Variants in TRMT11 observed in about 807,000 individuals in gnomAD.
The protein encoded by TRMT11 is tRNA methyltransferase 11, also known as tRNA (guanine(10)-N(2))-methyltransferase TRMT11.
A neutral mutation model predicts 62.8 loss-of-function variants in TRMT11; 53 were observed. That is an observed-to-expected ratio of 0.84 (90% CI 0.68 to 1.06). TRMT11 has a LOEUF of 1.06. Ranked by LOEUF, TRMT11 falls within the 50% of genes least tolerant of loss-of-function variation. TRMT11 has a pLI of 0.00. For missense variants in TRMT11, 556 were observed against 553.4 expected (o/e 1.00, Z -0.05); for synonymous variants, 188 against 190.3 (o/e 0.99, Z 0.10).
intron 7 of TRMT11, 22 bp downstream of exon 7, chr6:125,999,635 G>C: frequency 6.3e-7 from 1 of 1,594,470 alleles, no homozygotes; most frequent in Non-Finnish European, 8.6e-7. Flanking sequence ...TAACTTTTAA[G>C]CTAGTGTAGA....
In TRMT11 at chr6:126,044,956, C is replaced by T. The variant is rs547121552; in HGVS notation, c.*1369+4111C>T. On this transcript the variant is annotated intron_variant and NMD_transcript_variant, in intron 16 of 22. Transcript: ENST00000648977. Reference sequence around the variant, plus strand: ...ATCCCAGCATTTTGGGAGGCTGAGGCAGGTGGATCACCTGAGGTCAGGAGT... The same window carrying T: ...ATCCCAGCATTTTGGGAGGCTGAGGTAGGTGGATCACCTGAGGTCAGGAGT... Among the ~76,000 whole-genome samples the T allele has an allele frequency of 1.5e-3, 227 of 152,166 alleles. 1 individual carries two copies. Among genetic ancestry groups the T allele is most frequent in the African/African-American group, 5.4e-3 (223 of 41,520 alleles).
chr6:126,261,242 AT>A, the TRMT11 span, among the ~76,000 whole-genome samples: 1 of 151,884 alleles, frequency 6.6e-6, no homozygotes, highest in South Asian at 2.1e-4. Flanking sequence ...TCATTAACTG[AT>A]TTTTTTCAGC....
intron 17 of TRMT11, among the ~76,000 whole-genome samples, chr6:126,108,858 A>G (rs1583877320): frequency 6.6e-6 from 1 of 152,300 alleles, no homozygotes; most frequent in Admixed American, 6.5e-5. Flanking sequence ...AGTGATGTGG[A>G]TGGGTCATTT....
At chr6:126,101,623 T>G (rs572413841) in intron 17 of TRMT11, among the ~76,000 whole-genome samples, 2 of 152,342 alleles carry the variant, frequency 1.3e-5, no homozygotes, top group East Asian at 1.9e-4. Context: ...TCTTTTTCAC[T>G]TATTTGAAGG....
intron 21 of TRMT11, among the ~76,000 whole-genome samples, chr6:126,144,672 GCTTCCCTGTTGCC>G (rs1777955140): frequency 6.6e-6 from 1 of 151,998 alleles, no homozygotes; most frequent in African/African-American, 2.4e-5. Flanking sequence ...CCTTCACTCT[GCTTCCCTGTTGCC>G]CATTTGATTC....
chr6:126,183,344 A>C (rs895343185), intron 1 of TRMT11, among the ~76,000 whole-genome samples: 8 of 152,062 alleles, frequency 5.3e-5, no homozygotes, highest in Admixed American at 4.6e-4. Flanking sequence ...CTGAGAGCAA[A>C]AGTTTCTTCT....
rs1000212759 is a variant in TRMT11 at position 126,172,125 on chromosome 6, TA to T, written c.*1824-2691del. Reference sequence around the variant, plus strand: ...GTGGCTGAATTACTTGATCAAAATTTAAAAAAAAAGGTATTTTCCCTAAGTG... The same window carrying T: ...GTGGCTGAATTACTTGATCAAAATTTAAAAAAAAGGTATTTTCCCTAAGTG... On this transcript the variant is annotated intron_variant and NMD_transcript_variant, in intron 21 of 22. Coordinates refer to the TRMT11 transcript ENST00000648977. 4.0e-5 allele frequency among the ~76,000 whole-genome samples: 6 copies of T among 151,392 alleles called. No homozygotes were observed. In the East Asian group the frequency reaches 5.8e-4, roughly 15 times the overall value.
intron 17 of TRMT11, among the ~76,000 whole-genome samples, chr6:126,071,752 G>A (rs993177551): frequency 6.6e-6 from 1 of 151,618 alleles, no homozygotes; most frequent in African/African-American, 2.4e-5. Flanking sequence ...TTGTCCTTTA[G>A]TGTTGAATTG....
At chr6:126,257,651 T>C in the TRMT11 span, among the ~76,000 whole-genome samples, 32 of 152,178 alleles carry the variant, frequency 2.1e-4, no homozygotes, top group Non-Finnish European at 7.3e-5. Context: ...TTCGAGACTT[T>C]TTATTATTTT....
the TRMT11 span, among the ~76,000 whole-genome samples, chr6:126,251,140 C>T: frequency 1.3e-5 from 2 of 151,788 alleles, no homozygotes; most frequent in East Asian, 1.9e-4. Flanking sequence ...AAGCAATTCT[C>T]CTGCCTCAGC....
At chr6:126,146,391 G>A (rs1404584144) in intron 21 of TRMT11, among the ~76,000 whole-genome samples, 10 of 152,258 alleles carry the variant, frequency 6.6e-5, no homozygotes, top group South Asian at 2.1e-4. Flanking sequence ...AGGATTAGGC[G>A]ATGGATTCAA....
rs1775737929 is a variant in TRMT11, at chr6:126,039,034, A to G, written c.*198A>G. 1 of 434,934 alleles carries G rather than the reference A, an allele frequency of 2.3e-6. No individual in the cohort carries two copies. The highest frequency in any genetic ancestry group is 4.0e-6 in the Non-Finnish European group (1 of 250,348). 26.9% of individuals were successfully genotyped at this position (434,934 alleles called of 1,614,324 possible). A position where few individuals can be genotyped will look rare whatever the true frequency, so the allele number is the denominator to read the frequency against. On this transcript the variant is annotated 3_prime_UTR_variant, in exon 13 of 13. Coordinates refer to ENST00000334379, the MANE Select transcript of TRMT11 (RefSeq NM_001031712.3). Reference sequence around the variant, plus strand: ...TTTTGTTGTATGTATTACAGTCTTTATAATCTTATTTAATGTATATTTGTA... The same window carrying G: ...TTTTGTTGTATGTATTACAGTCTTTGTAATCTTATTTAATGTATATTTGTA...
the TRMT11 span, among the ~76,000 whole-genome samples, chr6:126,219,499 C>G: frequency 6.6e-6 from 1 of 152,186 alleles, no homozygotes; most frequent in African/African-American, 2.4e-5. Flanking sequence ...TACATACCAG[C>G]TCTCTTCTTC....
At chr6:126,139,502 G>T (rs1777889931) in intron 21 of TRMT11, among the ~76,000 whole-genome samples, 2 of 151,988 alleles carry the variant, frequency 1.3e-5, no homozygotes. Context: ...CCAAGTAGCT[G>T]GGATTACAGG....
intron 7 of TRMT11, among the ~76,000 whole-genome samples, chr6:126,000,043 G>T (rs1025482455): frequency 6.6e-6 from 1 of 152,174 alleles, no homozygotes; most frequent in African/African-American, 2.4e-5. Context: ...TGTGGATGGA[G>T]AAAATAGTTA....
At chr6:126,165,883 A>G (rs896864324) in intron 21 of TRMT11, among the ~76,000 whole-genome samples, 3 of 152,152 alleles carry the variant, frequency 2.0e-5, no homozygotes, top group Admixed American at 1.3e-4. Flanking sequence ...GTGTTTTCCA[A>G]GTTGGTTCCT....
intron 17 of TRMT11, among the ~76,000 whole-genome samples, chr6:126,097,282 G>A (rs1777351499): frequency 1.3e-5 from 2 of 152,098 alleles, no homozygotes; most frequent in South Asian, 4.1e-4. Flanking sequence ...CTGTTTATCA[G>A]CATTGTTGGA....
intron 1 of TRMT11, among the ~76,000 whole-genome samples, chr6:125,991,164 T>G (rs1583620794): frequency 2.6e-5 from 4 of 151,216 alleles, no homozygotes. Flanking sequence ...GAGAATCGCA[T>G]GAACCTGGGA....
chr6:126,249,004 A>G, the TRMT11 span, among the ~76,000 whole-genome samples: 1 of 152,138 alleles, frequency 6.6e-6, no homozygotes, highest in African/African-American at 2.4e-5. Context: ...AAAGTATTTT[A>G]AATGCCAGTT....
Sources: gnomAD v4.1 joint callset for allele counts (sites outside exome capture counted in the v4.1 genomes callset) on GRCh38, gnomAD v4.1.1 for gene constraint, MANE v1.5 for transcripts, NCBI Gene and HGNC (gene_info 2026-07-23, HGNC 2026-07-21) for gene names.